PALM2AKAP2: variants seen among roughly 807,000 people sequenced by gnomAD.
PALM2AKAP2 encodes the protein PALM2-AKAP2 fusion protein.
PALM2AKAP2 carries 37 observed loss-of-function variants against 71.5 expected under a neutral mutation model. The observed-to-expected ratio is 0.52, with a 90% CI of 0.40 to 0.68. The LOEUF (loss-of-function observed/expected upper bound fraction) is 0.68. Among genes scored for constraint, PALM2AKAP2 ranks in the 30% least tolerant of loss-of-function variants. PALM2AKAP2 has a pLI of 0.00. For synonymous variants in PALM2AKAP2, 468 were observed against 478.8 expected (o/e 0.98, Z 0.29); for missense variants, 1,224 against 1,191.8 (o/e 1.03, Z -0.40).
rs535071450 is a variant in PALM2AKAP2, at chr9:109,929,003, A to G, written c.395-2924A>G. ...CTCTTAACAGAAGCCATGTAGCCCA[A>G]CCCTCTAAGTGCTGTAGACTTCAAG... On this transcript the variant is annotated intron_variant, in intron 5 of 9. Transcript: ENST00000302798. Among the ~76,000 whole-genome samples the G allele has an allele frequency of 2.0e-5, 3 of 152,066 alleles. No individual in the cohort carries two copies. In the East Asian group the frequency reaches 5.8e-4, roughly 30 times the overall value.
chr9:110,109,122 A>T (rs557605026), intron 1 of PALM2AKAP2, among the ~76,000 whole-genome samples: 1 of 152,016 alleles, frequency 6.6e-6, no homozygotes, highest in Non-Finnish European at 1.5e-5. Flanking sequence ...GTTCGAGACC[A>T]ACCTTACCGA....
chr9:109,716,841 G>C (rs1337372557), intron 1 of PALM2AKAP2, among the ~76,000 whole-genome samples: 3 of 152,190 alleles, frequency 2.0e-5, no homozygotes, highest in African/African-American at 7.2e-5. Context: ...ATGTGGTTAG[G>C]TTTGGCTTTT....
chr9:110,100,051 C>CTCTA (rs143442936), intron 1 of PALM2AKAP2, among the ~76,000 whole-genome samples: 2 of 109,464 alleles, frequency 1.8e-5, no homozygotes, highest in African/African-American at 6.5e-5. Flanking sequence ...GTATGTGTGT[C>CTCTA]TATATATATA....
chr9:109,862,766 A>G (rs1829346176), intron 1 of PALM2AKAP2: 1 of 445,410 alleles, frequency 2.2e-6, no homozygotes, highest in Admixed American at 2.4e-5. Context: ...GATGTTCATT[A>G]AAGCTTCATG....
At chr9:110,100,751 A>G (rs1834978257) in intron 1 of PALM2AKAP2, among the ~76,000 whole-genome samples, 1 of 152,146 alleles carries the variant, frequency 6.6e-6, no homozygotes, top group African/African-American at 2.4e-5. Flanking sequence ...CCTTCTGGAT[A>G]ACTACTACAA....
intron 3 of PALM2AKAP2, among the ~76,000 whole-genome samples, chr9:109,909,131 G>T (rs1830514898): frequency 6.7e-6 from 1 of 150,150 alleles, no homozygotes; most frequent in Non-Finnish European, 1.5e-5. Context: ...CCTCATAGTA[G>T]ATAAGAATAG....
At chr9:109,984,742 G>T (rs1484879830) in intron 6 of PALM2AKAP2, among the ~76,000 whole-genome samples, 1 of 147,204 alleles carries the variant, frequency 6.8e-6, no homozygotes, top group Admixed American at 6.8e-5. Context: ...GTGTGGTGGA[G>T]TGCCTTTAAT....
chr9:110,136,766 G>C (rs1488246490), exon 2 of PALM2AKAP2: 1 of 1,614,062 alleles, frequency 6.2e-7, no homozygotes, highest in Non-Finnish European at 8.5e-7. Context: ...GAAAAAGGAG[G>C]CCAAGTTTGA....
chr9:109,655,836 T>C (rs183898731), intron 1 of PALM2AKAP2, among the ~76,000 whole-genome samples: 78 of 152,352 alleles, frequency 5.1e-4, no homozygotes, highest in African/African-American at 1.8e-3. Flanking sequence ...CATTCATCTA[T>C]TGATGGACAT....
At chr9:109,665,984 G>A (rs12684676) in intron 1 of PALM2AKAP2, among the ~76,000 whole-genome samples, 29,751 of 152,264 alleles carry the variant, frequency 0.2, 3,137 homozygotes, top group Middle Eastern at 0.31. Flanking sequence ...ATGGGTGTGG[G>A]AGGTGCACAG....
chr9:109,676,817 G>T (rs533993595), intron 1 of PALM2AKAP2, among the ~76,000 whole-genome samples: 25 of 152,210 alleles, frequency 1.6e-4, no homozygotes, highest in Non-Finnish European at 3.2e-4. Flanking sequence ...AGATCACAGT[G>T]TGAAATGCTT....
At chr9:109,999,133 G>A (rs1276266128) in intron 6 of PALM2AKAP2, among the ~76,000 whole-genome samples, 2 of 152,182 alleles carry the variant, frequency 1.3e-5, no homozygotes, top group Admixed American at 6.5e-5. Flanking sequence ...GAGATCAGGA[G>A]TTTGAGACCA....
intron 1 of PALM2AKAP2, among the ~76,000 whole-genome samples, chr9:109,691,855 TATATATATATATACAC>T (rs1171189401): frequency 1.5e-4 from 7 of 45,258 alleles, no homozygotes; most frequent in East Asian, 2.6e-3. Context: ...TATATATATA[TATATATATATATACAC>T]ACACACACAC....
intron 3 of PALM2AKAP2, among the ~76,000 whole-genome samples, chr9:110,160,710 G>A (rs966343516): frequency 4.6e-5 from 7 of 152,150 alleles, no homozygotes; most frequent in East Asian, 1.9e-4. Flanking sequence ...TGAACATCTC[G>A]AGGGTTTGCT....
chr9:110,044,576 T>C (rs1275495349), upstream of PALM2AKAP2, among the ~76,000 whole-genome samples: 1 of 151,822 alleles, frequency 6.6e-6, no homozygotes, highest in African/African-American at 2.4e-5. Context: ...GGTCTCAAAC[T>C]ACTGACCTCA....
chr9:110,130,978 G>A (rs1835721327), intron 1 of PALM2AKAP2, among the ~76,000 whole-genome samples: 1 of 152,138 alleles, frequency 6.6e-6, no homozygotes, highest in South Asian at 2.1e-4. Flanking sequence ...AAAGCTTCAG[G>A]GGTTCTTGGG....
At chr9:110,138,113 C>G in exon 2 of PALM2AKAP2, 2 of 1,614,128 alleles carry the variant, frequency 1.2e-6, no homozygotes, top group Middle Eastern at 1.6e-4. Flanking sequence ...CATGTTTGAG[C>G]CACCTCAGGT....
intron 6 of PALM2AKAP2, among the ~76,000 whole-genome samples, chr9:109,967,384 C>A (rs554466153): frequency 1.3e-5 from 2 of 151,764 alleles, no homozygotes; most frequent in African/African-American, 4.8e-5. Flanking sequence ...AGCCCATATG[C>A]AAGGGTAGCG....
chr9:109,855,931 G>GACAAATTACCCCAATATGTTTTTAAA (rs1272149084), intron 1 of PALM2AKAP2, among the ~76,000 whole-genome samples: 7 of 152,066 alleles, frequency 4.6e-5, no homozygotes, highest in Non-Finnish European at 1.0e-4. Context: ...CTATGATAAG[G>GACAAATTACCCCAATATGTTTTTAAA]ACAAATTACC....
Sources: gnomAD v4.1 joint callset for allele counts (sites outside exome capture counted in the v4.1 genomes callset) on GRCh38, gnomAD v4.1.1 for gene constraint, MANE v1.5 for transcripts, NCBI Gene and HGNC (gene_info 2026-07-23, HGNC 2026-07-21) for gene names.